The following EMSY variants were observed in gnomAD, a reference collection of about 807,000 sequenced individuals.
The protein encoded by EMSY is EMSY transcriptional repressor, BRCA2 interacting.
Under a neutral mutation model 134.6 loss-of-function variants are expected in EMSY, and 26 were observed. The observed-to-expected ratio is 0.19, with a 90% CI of 0.14 to 0.27. EMSY has a LOEUF of 0.27. Ranked by LOEUF, EMSY falls within the 10% of genes least tolerant of loss-of-function variation. EMSY has a pLI of 1.00. For synonymous variants in EMSY, 579 were observed against 577.8 expected (o/e 1.00, Z -0.03); for missense variants, 1,305 against 1,611.4 (o/e 0.81, Z 3.26).
intron 8 of EMSY, among the ~76,000 whole-genome samples, chr11:76,474,190 T>G (rs1948691190): frequency 6.6e-6 from 1 of 152,058 alleles, no homozygotes; most frequent in Non-Finnish European, 1.5e-5. Flanking sequence ...CTTAATACCT[T>G]TGTGTTCCTC....
chr11:76,544,180 T>G (rs1951553642), intron 18 of EMSY, 79 bp from the exon 20 acceptor site: 1 of 1,387,906 alleles, frequency 7.2e-7, no homozygotes, highest in Non-Finnish European at 9.7e-7. Context: ...ATCTCGTAAG[T>G]CTTTTTCAGT....
chr11:76,490,233 T>TA (rs935840597), intron 8 of EMSY, among the ~76,000 whole-genome samples: 3 of 150,810 alleles, frequency 2.0e-5, no homozygotes, highest in East Asian at 1.9e-4. Context: ...TAGCTACACT[T>TA]AAAAAAAAAT....
At chr11:76,485,368 C>T (rs1375746834) in intron 8 of EMSY, among the ~76,000 whole-genome samples, 2 of 152,150 alleles carry the variant, frequency 1.3e-5, no homozygotes. Context: ...TGGCTTCATC[C>T]CTGGGATGCA....
chr11:76,491,924 G>C (rs1590881512), intron 8 of EMSY, among the ~76,000 whole-genome samples: 1 of 152,206 alleles, frequency 6.6e-6, no homozygotes, highest in Non-Finnish European at 1.5e-5. Flanking sequence ...AAGGGGGATG[G>C]AAGAGGAAGA....
At chr11:76,511,987 A>G (rs981518251) in intron 9 of EMSY, among the ~76,000 whole-genome samples, 1 of 152,216 alleles carries the variant, frequency 6.6e-6, no homozygotes, top group East Asian at 1.9e-4. Flanking sequence ...CTTAGATGTC[A>G]TAATTTTAAC....
chr11:76,465,698 G>C (rs917825552), intron 7 of EMSY, among the ~76,000 whole-genome samples: 2 of 148,274 alleles, frequency 1.3e-5, no homozygotes, highest in Admixed American at 1.3e-4. Flanking sequence ...CTTCTTTCAT[G>C]TTCTCTCTGT....
intron 8 of EMSY, among the ~76,000 whole-genome samples, chr11:76,489,735 G>T (rs1226630109): frequency 1.3e-5 from 2 of 151,972 alleles, no homozygotes; most frequent in Non-Finnish European, 2.9e-5. Context: ...CTCCTGAGTA[G>T]CTCAGATTAT....
chr11:76,508,745 C>T (rs942037788), intron 9 of EMSY, among the ~76,000 whole-genome samples: 6 of 152,344 alleles, frequency 3.9e-5, no homozygotes, highest in African/African-American at 1.4e-4. Flanking sequence ...ACAGCTTCTC[C>T]GTCAGCACTT....
intron 8 of EMSY, among the ~76,000 whole-genome samples, chr11:76,475,737 T>C (rs1405140692): frequency 5.3e-5 from 8 of 152,204 alleles, no homozygotes; most frequent in African/African-American, 1.4e-4. Context: ...CAGACTGCGT[T>C]TGTGATTGTG....
intron 11 of EMSY, among the ~76,000 whole-genome samples, chr11:76,517,378 T>A (rs1950483922): frequency 6.6e-6 from 1 of 152,184 alleles, no homozygotes; most frequent in Non-Finnish European, 1.5e-5. Flanking sequence ...TTTAAGAGGA[T>A]ACTTTAAATA....
At chr11:76,499,588 C>T (rs1949782491) in intron 9 of EMSY, among the ~76,000 whole-genome samples, 2 of 152,008 alleles carry the variant, frequency 1.3e-5, no homozygotes, top group Non-Finnish European at 2.9e-5. Flanking sequence ...CGCCCGGCCC[C>T]AATCTTTAAC....
At chr11:76,512,372 T>A (rs1950308494) in intron 9 of EMSY, among the ~76,000 whole-genome samples, 1 of 152,192 alleles carries the variant, frequency 6.6e-6, no homozygotes, top group African/African-American at 2.4e-5. Flanking sequence ...GTATATTGAC[T>A]TTGGAAACAA....
chr11:76,515,887 T>C (rs1163512063), intron 10 of EMSY, among the ~76,000 whole-genome samples: 2 of 152,166 alleles, frequency 1.3e-5, no homozygotes, highest in African/African-American at 2.4e-5. Flanking sequence ...AACTCTACTT[T>C]TTCTTGGGTT....
chr11:76,542,229 C>T, exon 18 of EMSY: 1 of 1,614,188 alleles, frequency 6.2e-7, no homozygotes, highest in Non-Finnish European at 8.5e-7. Flanking sequence ...GCCATCGCTC[C>T]CAGCCCCAAC....
At chr11:76,517,736 A>G (rs1258718363) in intron 11 of EMSY, among the ~76,000 whole-genome samples, 6 of 152,186 alleles carry the variant, frequency 3.9e-5, no homozygotes, top group African/African-American at 1.4e-4. Context: ...TTTGTATTGA[A>G]TTATAAAACC....
At chr11:76,484,678 T>C (rs1426148251) in intron 8 of EMSY, among the ~76,000 whole-genome samples, 3 of 152,156 alleles carry the variant, frequency 2.0e-5, no homozygotes, top group Non-Finnish European at 4.4e-5. Flanking sequence ...CTCATGCCTG[T>C]AACCTGCACT....
intron 7 of EMSY, 104 bp downstream of exon 8, chr11:76,464,184 G>T: frequency 7.5e-6 from 10 of 1,330,848 alleles, no homozygotes; most frequent in Non-Finnish European, 9.4e-6. Flanking sequence ...TTGGCATTAT[G>T]CTGGGGATGT....
chr11:76,498,278 A>G (rs769268764), intron 9 of EMSY, among the ~76,000 whole-genome samples: 1 of 152,168 alleles, frequency 6.6e-6, no homozygotes, highest in African/African-American at 2.4e-5. Flanking sequence ...TGGTGCTCGT[A>G]AAATATCTAT....
intron 13 of EMSY, among the ~76,000 whole-genome samples, chr11:76,526,882 A>G (rs1265199070): frequency 2.6e-5 from 4 of 152,140 alleles, no homozygotes; most frequent in African/African-American, 9.7e-5. Context: ...ATTACCTAGG[A>G]ATACAATTTG....
Sources: allele counts gnomAD v4.1 joint callset (sites outside exome capture counted in the v4.1 genomes callset), GRCh38; gene constraint gnomAD v4.1.1; transcripts MANE v1.5; gene names NCBI Gene and HGNC (gene_info 2026-07-23, HGNC 2026-07-21).